Variants in HPR observed in about 807,000 individuals in gnomAD.
HPR encodes the protein haptoglobin-related protein, also known as Haptoglobin-related locus.
Under a neutral mutation model 18.5 loss-of-function variants are expected in HPR, and 17 were observed. That is an observed-to-expected ratio of 0.92 (90% CI 0.63 to 1.38). The LOEUF (loss-of-function observed/expected upper bound fraction) is 1.38. Among genes scored for constraint, HPR ranks in the 40% most tolerant of loss-of-function variants. The pLI, the probability that HPR is intolerant of heterozygous loss-of-function variation, is 0.00. For synonymous variants in HPR, 176 were observed against 165.0 expected, an observed-to-expected ratio of 1.07 and a Z score of -0.51; for missense variants, 457 against 432.4, an observed-to-expected ratio of 1.06 and a Z score of -0.51.
rs1376797409 is a variant in HPR, at chr16:72,077,004, G to T, written c.970G>T (p.Ala324Ser). Reference protein sequence around the residue: ...AGILSFDKSCAVAEYGVYVKV... With the variant: ...AGILSFDKSCSVAEYGVYVKV... ...GATCCTAAGCTTTGATAAGAGCTGT[G>T]CTGTGGCTGAGTATGGTGTGTATGT... Residue 324 changes from alanine (A) to serine (S), a missense_variant, in exon 5 of 5, where the codon GCT (alanine) becomes TCT (serine). Transcript: ENST00000540303. The T allele has an allele frequency of 4.3e-6, 7 of 1,614,046 alleles. No homozygotes were observed. In the Admixed American group the frequency reaches 1.2e-4, roughly 27 times the overall value.
rs763626797 is a variant in HPR, at chr16:72,076,795, A to G, written c.761A>G (p.His254Arg). Residue 254 changes from histidine to arginine, a missense_variant, in exon 5 of 5, where the codon CAT (histidine) becomes CGT (arginine). Coordinates refer to ENST00000540303, the MANE Select transcript of HPR (RefSeq NM_020995.4). ...GCTGACCAATACGATTGCATAACGCATTATGAAGGCAGCACATGCCCCAAA... is the reference window on the plus strand; with the variant it reads ...GCTGACCAATACGATTGCATAACGCGTTATGAAGGCAGCACATGCCCCAAA... The part of the protein sequence containing the change: ...PVADQYDCIT[H>R]YEGSTCPKWK... 1.1e-4 allele frequency: 183 copies of G among 1,614,132 alleles called. 2 individuals are homozygous for G. The Admixed American group carries it at 3.0e-3, about 27-fold the overall frequency.
At chr16:72,070,730 G>C (rs2144068189) in intron 1 of HPR, among the ~76,000 whole-genome samples, 1 of 152,280 alleles carries the variant, frequency 6.6e-6, no homozygotes. Context: ...CCTGTGTGGA[G>C]ACAAGCAAGC....
At chr16:72,074,059 T>C in intron 2 of HPR, 82 bp downstream of exon 2, 1 of 1,566,800 alleles carries the variant, frequency 6.4e-7, no homozygotes, top group Non-Finnish European at 8.8e-7. Flanking sequence ...GCATTCTTTC[T>C]TTGAGAACAC....
At position 72,077,132 on chromosome 16, in the gene HPR, G is replaced by A; in HGVS notation, c.*51G>A. On this transcript the variant is annotated 3_prime_UTR_variant, in exon 5 of 5. Coordinates refer to ENST00000540303, the MANE Select transcript of HPR (RefSeq NM_020995.4). ...CTGAAAGCAAGATTTCAGCCTGGAA[G>A]AGGGCAAAGTGGACGGGAGTGGACA... 3.2e-6 allele frequency: 5 copies of A among 1,563,670 alleles called. No individual in the cohort carries two copies. The highest frequency in any genetic ancestry group is 4.3e-6 in the Non-Finnish European group (5 of 1,150,398).
chr16:72,074,305 C>A lies in HPR; in HGVS notation c.113C>A (p.Pro38His). ...DISDDRFPKPPEIANGYVEHL... is the reference protein window; with the variant it reads ...DISDDRFPKPHEIANGYVEHL... ...GCAGATGACCGCTTCCCGAAGCCCC[C>A]TGAGATTGCAAATGGCTATGTGGAG... Residue 38 changes from proline (P) to histidine (H), a missense_variant, in exon 3 of 5, where the codon CCT (proline) becomes CAT (histidine). Physicochemically the swap from Pro to His is moderately conservative, Grantham distance 77 (BLOSUM62 -2). Transcript: ENST00000540303. The A allele has an allele frequency of 6.2e-7, 1 of 1,613,948 alleles. No homozygotes were observed. Among genetic ancestry groups the A allele is most frequent in the Non-Finnish European group, 8.5e-7 (1 of 1,179,896 alleles).
chr16:72,074,377 A>G lies in HPR; in HGVS notation c.185A>G (p.Glu62Gly), dbSNP rs1453151575. The G allele has an allele frequency of 3.1e-6, 5 of 1,611,208 alleles. No individual in the cohort carries two copies. The African/African-American group carries it at 4.0e-5, about 13-fold the overall frequency. ...AAGAACTACTACAGACTGCGCACAG[A>G]AGGAGATGGTAAGACCTGGACAACT... is the stretch of plus-strand genomic sequence containing the variant. ...QCKNYYRLRT[E>G]GDGVYTLNDK... The change falls in exon 3 of 5, where the codon GAA becomes GGA. Residue 62 changes from glutamate (E) to glycine (G), a missense_variant. Physicochemically the swap from Glu to Gly is moderately conservative, Grantham distance 98. Coordinates refer to ENST00000540303, the MANE Select transcript of HPR (RefSeq NM_020995.4).
At chr16:72,066,826 C>T (rs550023907) in intron 1 of HPR, among the ~76,000 whole-genome samples, 1 of 152,094 alleles carries the variant, frequency 6.6e-6, no homozygotes, top group Admixed American at 6.6e-5. Context: ...CAGGGAAAAA[C>T]AAAAACAGAA....
chr16:72,076,634 T>G lies in HPR; in HGVS notation c.600T>G (p.Val200=), dbSNP rs2041729626. Residue 200 remains valine, a synonymous_variant, in exon 5 of 5, where the codon GTT becomes GTG. Coordinates refer to ENST00000540303, the MANE Select transcript of HPR (RefSeq NM_020995.4). ...TCAAACTCAAACAGAAGGTGCTTGT[T>G]AATGAGAGAGTGATGCCCATCTGCC... is the stretch of plus-strand genomic sequence containing the variant. The part of the protein sequence containing the change: ...GLIKLKQKVL[V]NERVMPICLP... 1 of 1,614,070 alleles carries G rather than the reference T, an allele frequency of 6.2e-7. No individual in the cohort carries two copies.
chr16:72,068,141 C>T lies in HPR; in HGVS notation c.5+4881C>T, dbSNP rs139339038. 3.3e-4 allele frequency among the ~76,000 whole-genome samples: 50 copies of T among 152,230 alleles called. 2 individuals carry two copies. Among genetic ancestry groups the T allele is most frequent in the Admixed American group, 1.8e-3 (28 of 15,284 alleles). The stretch of plus-strand genomic sequence containing the variant: ...AACAATTATGCCTGCTTCAATATGT[C>T]GATGATATTCTCATATCTGGTGAGG... On this transcript the variant is annotated intron_variant, in intron 1 of 4. Coordinates refer to ENST00000540303, the MANE Select transcript of HPR (RefSeq NM_020995.4).
rs186125433 is a variant in HPR at position 72,076,975 on chromosome 16, C to T, written c.941C>T (p.Ala314Val). Residue 314 changes from alanine (A) to valine (V), a missense_variant, in exon 5 of 5, where the codon GCT (alanine) becomes GTT (valine). Physicochemically the swap from Ala to Val is moderately conservative, Grantham distance 64. Coordinates refer to ENST00000540303, the MANE Select transcript of HPR (RefSeq NM_020995.4). Reference protein sequence around the residue: ...HDLEEDTWYAAGILSFDKSCA... With the variant: ...HDLEEDTWYAVGILSFDKSCA... ...CTGGAGGAGGACACCTGGTACGCGG[C>T]TGGGATCCTAAGCTTTGATAAGAGC... is the stretch of plus-strand genomic sequence containing the variant. The T allele has an allele frequency of 1.2e-6, 2 of 1,614,180 alleles. No individual in the cohort carries two copies. Among genetic ancestry groups the T allele is most frequent in the East Asian group, 2.2e-5 (1 of 44,878 alleles).
rs1436121897 is a variant in HPR, at chr16:72,077,074, A to T, written c.1040A>T (p.Glu347Val). 1 of 1,610,074 alleles carries T rather than the reference A, an allele frequency of 6.2e-7. No individual in the cohort carries two copies. The highest frequency in any genetic ancestry group is 2.2e-5 in the East Asian group (1 of 44,762). Reference sequence around the variant, plus strand: ...CACTGGGTTCAGAAGACCATAGCTGAGAACTAATGCAAGGCTGGCCGGAAG... The same window carrying T: ...CACTGGGTTCAGAAGACCATAGCTGTGAACTAATGCAAGGCTGGCCGGAAG... ...IQHWVQKTIA[E>V]N is the part of the protein sequence containing the mutation. Residue 347 changes from glutamate to valine, a missense_variant, in exon 5 of 5, where the codon GAG (glutamate) becomes GTG (valine). Transcript: ENST00000540303.
intron 1 of HPR, among the ~76,000 whole-genome samples, chr16:72,063,961 C>T (rs1227644353): frequency 2.0e-5 from 3 of 152,116 alleles, no homozygotes; most frequent in Admixed American, 2.0e-4. Flanking sequence ...CGGATGATCT[C>T]GATCTCTTGA....
intron 1 of HPR, among the ~76,000 whole-genome samples, chr16:72,072,428 G>A (rs2041667493): frequency 1.3e-5 from 2 of 152,156 alleles, no homozygotes; most frequent in African/African-American, 4.8e-5. Flanking sequence ...AAAGAGGGTG[G>A]AGATTGTGTC....
At chr16:72,066,499 A>G (rs183806952) in intron 1 of HPR, among the ~76,000 whole-genome samples, 1 of 152,308 alleles carries the variant, frequency 6.6e-6, no homozygotes, top group Non-Finnish European at 1.5e-5. Context: ...CTGAGAAAAC[A>G]TGCAGGACCT....
chr16:72,072,855 G>C (rs184498468), intron 1 of HPR, among the ~76,000 whole-genome samples: 25 of 152,296 alleles, frequency 1.6e-4, no homozygotes, highest in African/African-American at 5.5e-4. Context: ...ATATTTAACA[G>C]GGGGATTGTT....
Position 72,076,981 on chromosome 16 carries a change from T to A in HPR, c.947T>A (p.Ile316Asn). 4 of 1,614,184 alleles carry A rather than the reference T, an allele frequency of 2.5e-6. No homozygotes were observed. The highest frequency in any genetic ancestry group is 3.4e-6 in the Non-Finnish European group (4 of 1,180,040). ...GAGGACACCTGGTACGCGGCTGGGA[T>A]CCTAAGCTTTGATAAGAGCTGTGCT... ...LEEDTWYAAG[I>N]LSFDKSCAVA... Residue 316 changes from isoleucine to asparagine, a missense_variant, in exon 5 of 5, where the codon ATC becomes AAC. By Grantham distance (149) the Ile-to-Asn change is moderately radical. Coordinates refer to ENST00000540303, the MANE Select transcript of HPR (RefSeq NM_020995.4).
chr16:72,074,264 T>C lies in HPR; in HGVS notation c.92-20T>C, dbSNP rs377033085. 90 of 1,603,218 alleles carry C rather than the reference T, an allele frequency of 5.6e-5. No homozygotes were observed. Among genetic ancestry groups the C allele is most frequent in the Non-Finnish European group, 7.4e-5 (87 of 1,170,148 alleles). On this transcript the variant is annotated intron_variant, in intron 2 of 4. Transcript: ENST00000540303. ...AACAATTTCCAAATGGTAAACTCTC[T>C]GGCTTCTCTCTCTTTGCAGATGACC... is the stretch of plus-strand genomic sequence containing the variant.
At position 72,063,651 on chromosome 16, in the gene HPR, T is replaced by C. The variant is rs2041566171; in HGVS notation, c.5+391T>C. On this transcript the variant is annotated intron_variant, in intron 1 of 4. Transcript: ENST00000540303. ...AATGACACAATTAATTGACTAGTAC[T>C]TGGGATACACACTAGTACCTGGGAT... Among the ~76,000 whole-genome samples, 3 of 152,194 alleles carry C rather than the reference T, an allele frequency of 2.0e-5. No homozygotes were observed. In the South Asian group the frequency reaches 6.2e-4, roughly 31 times the overall value.
rs373952975 is a variant in HPR at position 72,076,443 on chromosome 16, C to G, written c.409C>G (p.Gln137Glu). 1.9e-5 allele frequency: 31 copies of G among 1,614,180 alleles called. No individual in the cohort carries two copies. Among genetic ancestry groups the G allele is most frequent in the Non-Finnish European group, 2.6e-5 (31 of 1,180,024 alleles). ...LTTGATLINE[Q>E]WLLTTAKNLF... ...CACAGGGGCCACGCTGATCAATGAA[C>G]AATGGCTGCTGACCACGGCTAAAAA... The change falls in exon 5 of 5, where the codon CAA (glutamine) becomes GAA (glutamate). Residue 137 changes from glutamine to glutamate, a missense_variant. Transcript: ENST00000540303.
Sources: allele counts gnomAD v4.1 joint callset (sites outside exome capture counted in the v4.1 genomes callset), GRCh38; gene constraint gnomAD v4.1.1; transcripts MANE v1.5; gene names NCBI Gene and HGNC (gene_info 2026-07-23, HGNC 2026-07-21).